The following MSH3 variants were observed in gnomAD, a reference collection of about 807,000 sequenced individuals.
The protein encoded by MSH3 is mutS homolog 3.
MSH3 carries 106 observed loss-of-function variants against 123.3 expected under a neutral mutation model. The ratio of observed to expected loss-of-function variants is 0.86; its 90% confidence interval spans 0.73 to 1.01. MSH3 has a LOEUF of 1.01. MSH3 is among the 50% of genes least tolerant of loss of function. The pLI, the probability that MSH3 is intolerant of heterozygous loss-of-function variation, is 0.00. For missense variants in MSH3, 1,459 were observed against 1,347.6 expected, an observed-to-expected ratio of 1.08 and a Z score of -1.29; for synonymous variants, 515 against 481.4, an observed-to-expected ratio of 1.07 and a Z score of -0.91.
chr5:80,785,650 C>T (rs1005272363), intron 17 of MSH3, among the ~76,000 whole-genome samples: 2 of 152,048 alleles, frequency 1.3e-5, no homozygotes, highest in African/African-American at 4.8e-5. Context: ...GGTATATACC[C>T]AAAGGACTAT....
intron 8 of MSH3, among the ~76,000 whole-genome samples, chr5:80,693,622 T>TACACAC (rs1278165935): frequency 1.0e-5 from 1 of 96,316 alleles, no homozygotes; most frequent in African/African-American, 4.6e-5. Context: ...CACACACACA[T>TACACAC]ATACACACAC....
rs764599902 is a variant in MSH3, at chr5:80,661,048, C to G, written c.359-4095C>G. Among the ~76,000 whole-genome samples, 29 of 152,150 alleles carry G rather than the reference C, an allele frequency of 1.9e-4. 1 individual carries two copies. The highest frequency in any genetic ancestry group is 1.6e-3 in the Admixed American group (24 of 15,280). On this transcript the variant is annotated intron_variant, in intron 2 of 23. Coordinates refer to ENST00000265081, the MANE Select transcript of MSH3 (RefSeq NM_002439.5). The stretch of plus-strand genomic sequence containing the variant: ...TCCTGACCTCGTGATCTACCCGCCT[C>G]GGCCTCCCAAAGTGCTAGGATTACA...
chr5:80,793,628 C>T (rs903810595), intron 19 of MSH3, among the ~76,000 whole-genome samples: 24 of 152,058 alleles, frequency 1.6e-4, no homozygotes, highest in African/African-American at 5.8e-4. Flanking sequence ...ACCAGCATGG[C>T]AGATATTGGA....
intron 20 of MSH3, among the ~76,000 whole-genome samples, chr5:80,822,260 C>G (rs1363042895): frequency 6.6e-6 from 1 of 152,206 alleles, no homozygotes; most frequent in Non-Finnish European, 1.5e-5. Flanking sequence ...GAGCACAAAT[C>G]TTGCTTTTCC....
intron 3 of MSH3, among the ~76,000 whole-genome samples, chr5:80,667,943 CGGTG>C (rs1450806231): frequency 6.6e-6 from 1 of 152,168 alleles, no homozygotes; most frequent in African/African-American, 2.4e-5. Context: ...CCCTGCCATT[CGGTG>C]GGTCCCAGGT....
rs532513874 is a variant in MSH3 at position 80,797,480 on chromosome 5, T to C, written c.2655+4636T>C. ...CACAAAATGTTTTTTTTCAGGATAT[T>C]ATATGGGGATTGCCCCAATTTACAG... is the stretch of plus-strand genomic sequence containing the variant. On this transcript the variant is annotated intron_variant, in intron 19 of 23. Coordinates refer to ENST00000265081, the MANE Select transcript of MSH3 (RefSeq NM_002439.5). 2.0e-5 allele frequency among the ~76,000 whole-genome samples: 3 copies of C among 152,330 alleles called. No individual in the cohort carries two copies. The East Asian group carries it at 5.8e-4, about 29-fold the overall frequency.
chr5:80,665,110 ATTG>A (rs1359772178), intron 2 of MSH3, 30 bp from the exon 3 acceptor site: 30 of 1,556,116 alleles, frequency 1.9e-5, no homozygotes, highest in Non-Finnish European at 2.4e-5. Context: ...CAAAATTACT[ATTG>A]TTCTGTTTTC....
chr5:80,758,561 A>T (rs924902531), intron 12 of MSH3, among the ~76,000 whole-genome samples: 5 of 152,222 alleles, frequency 3.3e-5, no homozygotes, highest in African/African-American at 1.2e-4. Context: ...CCTCTGAGGT[A>T]GTCCTTAAAG....
chr5:80,716,395 C>A (rs1161904981), intron 8 of MSH3, among the ~76,000 whole-genome samples: 1 of 151,052 alleles, frequency 6.6e-6, no homozygotes, highest in Non-Finnish European at 1.5e-5. Flanking sequence ...TTTTTTATTT[C>A]TCTCCTGTGT....
chr5:80,678,454 C>CTA (rs998803676), intron 7 of MSH3, among the ~76,000 whole-genome samples: 11 of 152,212 alleles, frequency 7.2e-5, no homozygotes, highest in African/African-American at 2.7e-4. Flanking sequence ...TAGTAATTTA[C>CTA]TACAGTACTG....
chr5:80,752,948 G>C (rs1212538674), intron 12 of MSH3, among the ~76,000 whole-genome samples: 1 of 152,172 alleles, frequency 6.6e-6, no homozygotes, highest in East Asian at 1.9e-4. Flanking sequence ...GGTTCAAACA[G>C]AAGTGGTGTT....
chr5:80,741,696 GAATGAA>G, intron 11 of MSH3, 148 bp downstream of exon 11: 1 of 689,770 alleles, frequency 1.4e-6, no homozygotes, highest in Non-Finnish European at 2.6e-6. Flanking sequence ...TCTTTTTGGA[GAATGAA>G]CTGTACATAA....
rs538606426 is a variant in MSH3 at position 80,714,260 on chromosome 5, C to T, written c.1341-11193C>T. On this transcript the variant is annotated intron_variant, in intron 8 of 23. Transcript: ENST00000265081. ...AAGCGATTCTCCTGCCTCAGCCTCC[C>T]GAGTAGCTAGGATTATAGGTGCCCA... Among the ~76,000 whole-genome samples the T allele has an allele frequency of 2.0e-4, 31 of 151,298 alleles. No individual in the cohort carries two copies. In the East Asian group the frequency reaches 5.3e-3, roughly 26 times the overall value.
chr5:80,761,060 T>C (rs1744022983), intron 12 of MSH3, among the ~76,000 whole-genome samples: 1 of 152,166 alleles, frequency 6.6e-6, no homozygotes, highest in East Asian at 1.9e-4. Context: ...TATATTGTTG[T>C]AGGACTTTTT....
intron 10 of MSH3, among the ~76,000 whole-genome samples, chr5:80,729,229 C>G (rs1743361670): frequency 6.6e-6 from 1 of 151,764 alleles, no homozygotes; most frequent in Admixed American, 6.6e-5. Flanking sequence ...TCCTGGCTAA[C>G]ATGGTGAAAC....
intron 8 of MSH3, among the ~76,000 whole-genome samples, chr5:80,702,536 T>C (rs1359080905): frequency 6.6e-6 from 1 of 152,198 alleles, no homozygotes; most frequent in Non-Finnish European, 1.5e-5. Context: ...TTTCAAGTGC[T>C]CATTAACTGC....
In MSH3 at chr5:80,665,357, T is replaced by C; in HGVS notation, c.573T>C (p.Asn191=). The C allele has an allele frequency of 6.2e-7, 1 of 1,610,374 alleles. No individual in the cohort carries two copies. Among genetic ancestry groups the C allele is most frequent in the Non-Finnish European group, 8.5e-7 (1 of 1,178,416 alleles). ...CTGAAGATTCGAAACGTCAAATTAA[T>C]CAAAAGGTATGTAACTGCTATAGAT... ...VSSEDSKRQI[N]QKDTTLFDLS... is the part of the protein sequence containing the mutation. The change falls in exon 3 of 24, where the codon AAT becomes AAC. Residue 191 remains asparagine, a synonymous_variant. Coordinates refer to ENST00000265081, the MANE Select transcript of MSH3 (RefSeq NM_002439.5).
In MSH3 at chr5:80,779,954, C is replaced by T. The variant is rs150934325; in HGVS notation, c.2435+1118C>T. 1.7e-3 allele frequency among the ~76,000 whole-genome samples: 262 copies of T among 152,272 alleles called. 2 individuals carry two copies. Among genetic ancestry groups the T allele is most frequent in the African/African-American group, 6.0e-3 (249 of 41,556 alleles). On this transcript the variant is annotated intron_variant, in intron 17 of 23. Coordinates refer to ENST00000265081, the MANE Select transcript of MSH3 (RefSeq NM_002439.5). The stretch of plus-strand genomic sequence containing the variant: ...CGGCTTTAGATTTTAAAATGAAAGA[C>T]CTAATCAACTTTTACATGTTGCATT...
intron 23 of MSH3, among the ~76,000 whole-genome samples, chr5:80,873,679 G>A (rs1476172968): frequency 6.6e-6 from 1 of 152,112 alleles, no homozygotes; most frequent in Non-Finnish European, 1.5e-5. Flanking sequence ...TTCTATCAGA[G>A]CATTAATGAA....
Sources: gnomAD v4.1 joint callset for allele counts (sites outside exome capture counted in the v4.1 genomes callset) on GRCh38, gnomAD v4.1.1 for gene constraint, MANE v1.5 for transcripts, NCBI Gene and HGNC (gene_info 2026-07-23, HGNC 2026-07-21) for gene names.